Variants in ZCWPW2 observed in about 807,000 individuals in gnomAD.
The protein encoded by ZCWPW2 is zinc finger CW-type PWWP domain protein 2.
A neutral mutation model predicts 46.6 loss-of-function variants in ZCWPW2; 45 were observed. That is an observed-to-expected ratio of 0.96 (90% CI 0.76 to 1.24). The LOEUF (loss-of-function observed/expected upper bound fraction) is 1.24, where lower values mean the gene tolerates loss of function less well. Ranked by LOEUF, ZCWPW2 falls within the 50% of genes most tolerant of loss-of-function variation. ZCWPW2 has a pLI of 0.00. For synonymous variants in ZCWPW2, 152 were observed against 137.1 expected, an observed-to-expected ratio of 1.11 and a Z score of -0.76; for missense variants, 429 against 403.9, an observed-to-expected ratio of 1.06 and a Z score of -0.53.
chr3:28,456,198 C>T (rs1698415011), intron 4 of ZCWPW2, among the ~76,000 whole-genome samples: 1 of 152,168 alleles, frequency 6.6e-6, no homozygotes, highest in Non-Finnish European at 1.5e-5. Context: ...AAGTCCTTCA[C>T]TTCCCTTGTT....
intron 2 of ZCWPW2, among the ~76,000 whole-genome samples, chr3:28,396,975 A>G (rs577202578): frequency 6.6e-6 from 1 of 152,238 alleles, no homozygotes; most frequent in African/African-American, 2.4e-5. Context: ...TTAAAAATAC[A>G]AAAATTAGCT....
chr3:28,441,560 G>C (rs1697759673), intron 4 of ZCWPW2, among the ~76,000 whole-genome samples: 1 of 152,142 alleles, frequency 6.6e-6, no homozygotes, highest in Admixed American at 6.6e-5. Context: ...CTCTTCTTCT[G>C]TCAACTGATC....
intron 2 of ZCWPW2, among the ~76,000 whole-genome samples, chr3:28,399,881 C>T (rs2125726628): frequency 1.3e-5 from 2 of 151,964 alleles, no homozygotes; most frequent in South Asian, 4.2e-4. Flanking sequence ...TCTTTAACAC[C>T]CCCAAAAAAT....
At chr3:28,436,364 T>C (rs1193973600) in intron 4 of ZCWPW2, among the ~76,000 whole-genome samples, 1 of 142,952 alleles carries the variant, frequency 7.0e-6, no homozygotes, top group Non-Finnish European at 1.5e-5. Context: ...CTTGAATTAC[T>C]GGGCTCAGGT....
chr3:28,482,385 T>A (rs1290936877), intron 5 of ZCWPW2, among the ~76,000 whole-genome samples: 1 of 152,202 alleles, frequency 6.6e-6, no homozygotes, highest in Non-Finnish European at 1.5e-5. Flanking sequence ...CGTGATTTTT[T>A]AAAATCATTC....
At chr3:28,520,058 G>A (rs905233657) in intron 8 of ZCWPW2, among the ~76,000 whole-genome samples, 2 of 147,264 alleles carry the variant, frequency 1.4e-5, no homozygotes, top group African/African-American at 5.1e-5. Flanking sequence ...AAGCTGGAGT[G>A]CAGTGGTGTG....
intron 1 of ZCWPW2, among the ~76,000 whole-genome samples, chr3:28,360,981 C>T (rs535684848): frequency 2.0e-4 from 30 of 151,920 alleles, no homozygotes; most frequent in South Asian, 6.2e-4. Context: ...ATAGCCCAAA[C>T]GTAATTTTAG....
intron 6 of ZCWPW2, among the ~76,000 whole-genome samples, chr3:28,509,858 G>A (rs1275986995): frequency 6.6e-6 from 1 of 152,030 alleles, no homozygotes. Flanking sequence ...TGTTGTTTGT[G>A]TTTCTGGTGT....
intron 1 of ZCWPW2, among the ~76,000 whole-genome samples, chr3:28,355,427 A>G (rs569235813): frequency 2.0e-5 from 3 of 152,362 alleles, no homozygotes; most frequent in Non-Finnish European, 4.4e-5. Flanking sequence ...ATACTGCCCA[A>G]GGTAATTTAT....
intron 4 of ZCWPW2, chr3:28,447,791 T>C: frequency 1.2e-6 from 1 of 803,428 alleles, no homozygotes; most frequent in South Asian, 1.3e-5. Context: ...AACTAGGCTT[T>C]CCTGAACCCC....
chr3:28,350,263 A>T (rs922176413), intron 1 of ZCWPW2, among the ~76,000 whole-genome samples: 1 of 152,252 alleles, frequency 6.6e-6, no homozygotes, highest in Non-Finnish European at 1.5e-5. Context: ...GTTATTAGAA[A>T]TAAAGTGGTA....
rs139481369 is a variant in ZCWPW2, at chr3:28,439,065, A to T, written c.492+3796A>T. 1.1e-3 allele frequency among the ~76,000 whole-genome samples: 164 copies of T among 148,798 alleles called. 2 individuals are homozygous for T. Among genetic ancestry groups the T allele is most frequent in the African/African-American group, 3.8e-3 (153 of 39,962 alleles). ...ATATCTATGGTGTGTGTGTGTATAT[A>T]TATGTGTATACACATATATATACAC... On this transcript the variant is annotated intron_variant, in intron 4 of 9. Coordinates refer to ENST00000383768, the MANE Select transcript of ZCWPW2 (RefSeq NM_001040432.4).
rs143562808 is a variant in ZCWPW2, at chr3:28,399,763, C to T, written c.-14+9146C>T. Among the ~76,000 whole-genome samples the T allele has an allele frequency of 1.6e-3, 245 of 152,210 alleles. 3 individuals carry two copies. The highest frequency in any genetic ancestry group is 5.5e-3 in the African/African-American group (230 of 41,526). ...TACATCAAGGTAATACCCCATAGGA[C>T]AAAAGAATCTGAGCAACAGCAATTA... On this transcript the variant is annotated intron_variant, in intron 2 of 9. Coordinates refer to ENST00000383768, the MANE Select transcript of ZCWPW2 (RefSeq NM_001040432.4).
chr3:28,442,811 A>C (rs895976101), intron 4 of ZCWPW2, among the ~76,000 whole-genome samples: 10 of 152,272 alleles, frequency 6.6e-5, no homozygotes, highest in Middle Eastern at 3.4e-3. Context: ...AGAGTTGAAC[A>C]GGGATGTGGT....
rs557202663 is a variant in ZCWPW2 at position 28,373,390 on chromosome 3, C to T, written c.-133-17108C>T. Among the ~76,000 whole-genome samples the T allele has an allele frequency of 2.6e-5, 4 of 152,064 alleles. No homozygotes were observed. The South Asian group carries it at 6.2e-4, about 24-fold the overall frequency. On this transcript the variant is annotated intron_variant, in intron 1 of 9. Coordinates refer to ENST00000383768, the MANE Select transcript of ZCWPW2 (RefSeq NM_001040432.4). ...GATATCTTATTGTGGTTTTGATTTGCATTTTCCTGATGATTAGTGATGTTG... is the reference window on the plus strand; with the variant it reads ...GATATCTTATTGTGGTTTTGATTTGTATTTTCCTGATGATTAGTGATGTTG...
chr3:28,362,714 C>T (rs1378926397), intron 1 of ZCWPW2, among the ~76,000 whole-genome samples: 1 of 152,122 alleles, frequency 6.6e-6, no homozygotes, highest in Non-Finnish European at 1.5e-5. Context: ...CTAGCAATCT[C>T]ATTTCATACC....
chr3:28,436,778 G>A (rs763843850), intron 4 of ZCWPW2, among the ~76,000 whole-genome samples: 23 of 152,138 alleles, frequency 1.5e-4, no homozygotes, highest in African/African-American at 1.4e-4. Flanking sequence ...CTGCTCTGAC[G>A]TTTTGAATGT....
At position 28,435,589 on chromosome 3, in the gene ZCWPW2, C is replaced by T. The variant is rs529793691; in HGVS notation, c.492+320C>T. Among the ~76,000 whole-genome samples the T allele has an allele frequency of 1.2e-3, 176 of 151,344 alleles. 2 individuals are homozygous for T. The highest frequency in any genetic ancestry group is 3.9e-3 in the African/African-American group (163 of 41,292). ...CAAGCTCCGCCTCCTGGGTTCACGCCATTCTCCTGCCTCAGCCTCCCACGT... is the reference window on the plus strand; with the variant it reads ...CAAGCTCCGCCTCCTGGGTTCACGCTATTCTCCTGCCTCAGCCTCCCACGT... On this transcript the variant is annotated intron_variant, in intron 4 of 9. Coordinates refer to ENST00000383768, the MANE Select transcript of ZCWPW2 (RefSeq NM_001040432.4).
chr3:28,365,189 T>A (rs948238390), intron 1 of ZCWPW2, among the ~76,000 whole-genome samples: 23 of 149,454 alleles, frequency 1.5e-4, no homozygotes, highest in South Asian at 4.3e-4. Flanking sequence ...TTGTTGCCAT[T>A]GCTTTTGGTG....
Sources: allele counts gnomAD v4.1 joint callset (sites outside exome capture counted in the v4.1 genomes callset), GRCh38; gene constraint gnomAD v4.1.1; transcripts MANE v1.5; gene names NCBI Gene and HGNC (gene_info 2026-07-23, HGNC 2026-07-21).